The following TSPAN7 variants were observed in gnomAD, a reference collection of about 807,000 sequenced individuals.
TSPAN7 encodes the protein tetraspanin-7.
A neutral mutation model predicts 17.6 loss-of-function variants in TSPAN7; 1 was observed. That is an observed-to-expected ratio of 0.06 (90% CI 0.02 to 0.27). TSPAN7 has a LOEUF of 0.27. Among genes scored for constraint, TSPAN7 ranks in the 10% least tolerant of loss-of-function variants. TSPAN7 has a pLI of 1.00. For missense variants in TSPAN7, 112 were observed against 201.7 expected (o/e 0.56, Z 2.69); for synonymous variants, 78 against 79.0 (o/e 0.99, Z 0.07).
At chrX:38,640,838 G>C (rs1301589695) in intron 1 of TSPAN7, among the ~76,000 whole-genome samples, 2 of 112,208 alleles carry the variant, frequency 1.8e-5, no homozygotes, top group Admixed American at 9.4e-5. Flanking sequence ...CTTCCTAAGA[G>C]CTGAGGCTGA....
At chrX:38,684,544 G>A (rs1484825186) in intron 6 of TSPAN7, among the ~76,000 whole-genome samples, 3 of 111,284 alleles carry the variant, frequency 2.7e-5, no homozygotes, top group Non-Finnish European at 5.7e-5. Context: ...AAATGGCCTG[G>A]AAGACAAGAG....
chrX:38,675,815 G>C lies in TSPAN7; in HGVS notation c.552G>C (p.Gln184His). Reference sequence around the variant, plus strand: ...TGAACGAAACTGATTGTAATCCCCAGGATCTACACAATCTGACTGTGGCCG... The same window carrying C: ...TGAACGAAACTGATTGTAATCCCCACGATCTACACAATCTGACTGTGGCCG... ...CCMNETDCNP[Q>H]DLHNLTVAAT... The change falls in exon 5 of 8, where the codon CAG becomes CAC. Residue 184 changes from glutamine (Q) to histidine (H), a missense_variant. Physicochemically the swap from Gln to His is conservative, Grantham distance 24. Transcript: ENST00000378482. The C allele has an allele frequency of 8.6e-7, 1 of 1,164,433 alleles. No individual in the cohort carries two copies.
At chrX:38,584,706 A>C (rs2147402248) in intron 1 of TSPAN7, among the ~76,000 whole-genome samples, 1 of 112,273 alleles carries the variant, frequency 8.9e-6, no homozygotes, top group African/African-American at 3.2e-5. Context: ...TTAATTAAAA[A>C]TCACATACTC....
intron 1 of TSPAN7, among the ~76,000 whole-genome samples, chrX:38,612,140 A>G (rs1206781650): frequency 8.9e-6 from 1 of 111,742 alleles, no homozygotes; most frequent in Non-Finnish European, 1.9e-5. Flanking sequence ...GTTGGTGGGT[A>G]AAGCCTTGAG....
chrX:38,601,285 CACA>C (rs2069345411), intron 1 of TSPAN7, among the ~76,000 whole-genome samples: 1 of 111,222 alleles, frequency 9.0e-6, no homozygotes, highest in Non-Finnish European at 1.9e-5. Context: ...CTTAGATAAT[CACA>C]TAAAACTGCT....
chrX:38,581,501 C>G (rs1380060434), intron 1 of TSPAN7, among the ~76,000 whole-genome samples: 2 of 111,302 alleles, frequency 1.8e-5, no homozygotes, highest in African/African-American at 6.5e-5. Context: ...AAGACCCCCC[C>G]CTCATGATTC....
chrX:38,587,684 C>T (rs1027414177), intron 1 of TSPAN7, among the ~76,000 whole-genome samples: 4 of 111,372 alleles, frequency 3.6e-5, no homozygotes, highest in African/African-American at 1.3e-4. Flanking sequence ...CTTAATTTTA[C>T]TTGGACATGA....
intron 1 of TSPAN7, among the ~76,000 whole-genome samples, chrX:38,641,053 C>T (rs1207295490): frequency 8.9e-6 from 1 of 112,335 alleles, no homozygotes; most frequent in African/African-American, 3.2e-5. Context: ...GGTTTTGTGC[C>T]TGGTCAGATT....
rs780466955 is a variant in TSPAN7, at chrX:38,639,856, GTAAT to G, written c.82-26263_82-26260del. ...GAGTATTTTTTTTCTCACTTTCATTGTAATTGCCACATTTCATATGAGGACCACT... is the reference window on the plus strand; with the variant it reads ...GAGTATTTTTTTTCTCACTTTCATTGTGCCACATTTCATATGAGGACCACT... On this transcript the variant is annotated intron_variant, in intron 1 of 7. Transcript: ENST00000378482. 3.6e-5 allele frequency among the ~76,000 whole-genome samples: 4 copies of G among 110,449 alleles called. No individual in the cohort carries two copies. The South Asian group carries it at 1.6e-3, about 43-fold the overall frequency.
At chrX:38,574,611 A>G in intron 1 of TSPAN7, among the ~76,000 whole-genome samples, 2 of 111,190 alleles carry the variant, frequency 1.8e-5, no homozygotes, top group East Asian at 5.6e-4. Context: ...GGGTGGGGAG[A>G]TTTAGTATCA....
At chrX:38,676,336 C>T (rs1488798180) in intron 5 of TSPAN7, among the ~76,000 whole-genome samples, 1 of 110,969 alleles carries the variant, frequency 9.0e-6, no homozygotes, top group Non-Finnish European at 1.9e-5. Flanking sequence ...GAAAAGAAAT[C>T]AGCAACTCTG....
intron 1 of TSPAN7, among the ~76,000 whole-genome samples, chrX:38,620,330 C>T (rs967844996): frequency 9.8e-5 from 11 of 111,920 alleles, no homozygotes; most frequent in Non-Finnish European, 2.1e-4. Flanking sequence ...CCATACCTAA[C>T]ACTTGTCTCT....
intron 1 of TSPAN7, among the ~76,000 whole-genome samples, chrX:38,642,043 GA>G (rs774115072): frequency 8.9e-6 from 1 of 111,923 alleles, no homozygotes; most frequent in South Asian, 3.8e-4. Context: ...TGTTTCTCCT[GA>G]AAGCCATTAA....
intron 2 of TSPAN7, among the ~76,000 whole-genome samples, chrX:38,669,299 G>A (rs748400129): frequency 7.2e-5 from 8 of 111,497 alleles, no homozygotes; most frequent in South Asian, 3.8e-4. Flanking sequence ...TACTGGGTGC[G>A]TATGATATTT....
intron 1 of TSPAN7, among the ~76,000 whole-genome samples, chrX:38,657,183 C>T (rs888662030): frequency 1.8e-5 from 2 of 111,102 alleles, no homozygotes; most frequent in Non-Finnish European, 3.8e-5. Flanking sequence ...TTTTCTGTGA[C>T]TCTATTTGTT....
intron 2 of TSPAN7, among the ~76,000 whole-genome samples, chrX:38,667,485 A>G (rs2069790694): frequency 8.9e-6 from 1 of 112,206 alleles, no homozygotes; most frequent in African/African-American, 3.2e-5. Flanking sequence ...GTGTAGCCCT[A>G]GGTTGTAGTA....
chrX:38,612,546 T>G (rs769778111), intron 1 of TSPAN7: 3 of 111,925 alleles, frequency 2.7e-5, no homozygotes, highest in South Asian at 7.5e-4. Flanking sequence ...ACAGCTGTCA[T>G]CCGGAGCTTC....
At chrX:38,594,759 TG>T (rs2069309922) in intron 1 of TSPAN7, among the ~76,000 whole-genome samples, 1 of 112,266 alleles carries the variant, frequency 8.9e-6, no homozygotes, top group Non-Finnish European at 1.9e-5. Flanking sequence ...GCAAACAATG[TG>T]ATGATTTCAT....
intron 1 of TSPAN7, among the ~76,000 whole-genome samples, chrX:38,565,367 C>G (rs761541933): frequency 9.0e-6 from 1 of 111,592 alleles, no homozygotes; most frequent in South Asian, 3.8e-4. Context: ...GTAGCTGGGA[C>G]TACAGGTGTG....
Sources: gnomAD v4.1 joint callset for allele counts (sites outside exome capture counted in the v4.1 genomes callset) on GRCh38, gnomAD v4.1.1 for gene constraint, MANE v1.5 for transcripts, NCBI Gene and HGNC (gene_info 2026-07-23, HGNC 2026-07-21) for gene names.